The following MS4A7 variants were observed in gnomAD, a reference collection of about 807,000 sequenced individuals.
MS4A7 encodes the protein membrane spanning 4-domains A7, also known as membrane-spanning 4-domains subfamily A member 7.
In MS4A7, 21 loss-of-function variants were observed where a neutral mutation model predicts 23.5. That is an observed-to-expected ratio of 0.89 (90% confidence interval 0.63 to 1.29). The LOEUF is 1.29. Ranked by LOEUF, MS4A7 falls within the 50% of genes most tolerant of loss-of-function variation. The pLI, the probability that MS4A7 is intolerant of heterozygous loss-of-function variation, is 0.00. For synonymous variants in MS4A7, 111 were observed against 107.4 expected (o/e 1.03, Z -0.21); for missense variants, 263 against 274.2 (o/e 0.96, Z 0.29).
chr11:60,382,093 G>A (rs910235150), intron 1 of MS4A7, among the ~76,000 whole-genome samples: 1 of 152,212 alleles, frequency 6.6e-6, no homozygotes, highest in African/African-American at 2.4e-5. Context: ...TAGGGAGAAT[G>A]TTGAGCTGAA....
chr11:60,379,470 T>C (rs771226653), intron 1 of MS4A7, among the ~76,000 whole-genome samples: 7 of 152,232 alleles, frequency 4.6e-5, no homozygotes, highest in Non-Finnish European at 1.0e-4. Context: ...TTTTTGGTTG[T>C]AGTAAAATAT....
chr11:60,393,328 G>A (rs533454386), intron 6 of MS4A7, among the ~76,000 whole-genome samples: 2 of 152,210 alleles, frequency 1.3e-5, no homozygotes, highest in South Asian at 4.2e-4. Flanking sequence ...CAGACTATTG[G>A]GCTGAGAATG....
At chr11:60,392,807 CCTGATACCTGCTGTGT>C (rs1303804167) in intron 6 of MS4A7, 21 bp downstream of exon 6, 2 of 1,517,952 alleles carry the variant, frequency 1.3e-6, no homozygotes, top group Non-Finnish European at 1.8e-6. Context: ...TGACATGTCG[CCTGATACCTGCTGTGT>C]CTCAGGTCCA....
At chr11:60,382,901 G>A (rs2085445482) in intron 1 of MS4A7, among the ~76,000 whole-genome samples, 1 of 152,186 alleles carries the variant, frequency 6.6e-6, no homozygotes, top group African/African-American at 2.4e-5. Flanking sequence ...CCCTCAAAAT[G>A]TGTACAGTAC....
chr11:60,383,541 A>G (rs2085452262), intron 2 of MS4A7: 3 of 192,094 alleles, frequency 1.6e-5, no homozygotes, highest in Non-Finnish European at 3.1e-5. Flanking sequence ...TTATTTATTT[A>G]TATATTTATT....
At chr11:60,379,511 TG>T (rs370433419) in intron 1 of MS4A7, among the ~76,000 whole-genome samples, 191 of 150,702 alleles carry the variant, frequency 1.3e-3, no homozygotes, top group African/African-American at 4.2e-3. Context: ...TTTAACCATG[TG>T]TTTTTTTGTT....
intron 3 of MS4A7, 119 bp from the exon 4 acceptor site, chr11:60,386,598 G>A (rs750483609): frequency 4.1e-6 from 3 of 736,090 alleles, no homozygotes; most frequent in Non-Finnish European, 7.1e-6. Flanking sequence ...CAAGATTTCT[G>A]CAGTGTTCTC....
At chr11:60,385,881 A>C (rs1442047837) in intron 3 of MS4A7, among the ~76,000 whole-genome samples, 1 of 152,236 alleles carries the variant, frequency 6.6e-6, no homozygotes, top group Non-Finnish European at 1.5e-5. Flanking sequence ...ATAAAAATCA[A>C]ATATTCTGGG....
intron 5 of MS4A7, 92 bp downstream of exon 5, chr11:60,389,688 C>G: frequency 7.9e-7 from 1 of 1,260,538 alleles, no homozygotes; most frequent in Non-Finnish European, 1.1e-6. Context: ...TCTGGTTGGT[C>G]GGTCCGAATG....
Position 60,384,752 on chromosome 11 carries a change from AAG to A in MS4A7, c.148-335_148-334del, listed in dbSNP as rs370396648. Among the ~76,000 whole-genome samples the A allele has an allele frequency of 5.3e-3, 801 of 152,326 alleles. 6 individuals carry two copies. The highest frequency in any genetic ancestry group is 0.021 in the South Asian group (101 of 4,826). Reference sequence around the variant, plus strand: ...ATCTCTTCATTAACACTCCTGTGAAAAGTTTGCTCTCTATTTCCACCTCACTG... The same window carrying A: ...ATCTCTTCATTAACACTCCTGTGAAATTTGCTCTCTATTTCCACCTCACTG... On this transcript the variant is annotated intron_variant, in intron 2 of 6. Transcript: ENST00000300184.
In MS4A7 at chr11:60,383,390, T is replaced by C; in HGVS notation, c.147+102T>C. Reference sequence around the variant, plus strand: ...TCTGGGAAACTCTTTCACTCTTTTCTGGCTGACTCCAGGCTAATGAGGACA... The same window carrying C: ...TCTGGGAAACTCTTTCACTCTTTTCCGGCTGACTCCAGGCTAATGAGGACA... On this transcript the variant is annotated intron_variant, in intron 2 of 6. Coordinates refer to ENST00000300184, the MANE Select transcript of MS4A7 (RefSeq NM_021201.5). The C allele has an allele frequency of 4.4e-6, 6 of 1,373,744 alleles. No homozygotes were observed. The South Asian group carries it at 7.2e-5, about 16-fold the overall frequency. The allele number at this position is 1,373,744 out of a possible 1,614,324, so 85.1% of individuals were successfully genotyped here. A position where few individuals can be genotyped will look rare whatever the true frequency, so the allele number is the denominator to read the frequency against.
In MS4A7 at chr11:60,379,526, TTTTG is replaced by T. The variant is rs201131327; in HGVS notation, c.-14+882_-14+885del. Among the ~76,000 whole-genome samples, 135 of 138,808 alleles carry T rather than the reference TTTTG, an allele frequency of 9.7e-4. 1 individual carries two copies. Among genetic ancestry groups the T allele is most frequent in the Admixed American group, 1.6e-3 (22 of 13,446 alleles). 91.1% of individuals were successfully genotyped at this position (138,808 alleles called of 152,430 possible). A position where few individuals can be genotyped will look rare whatever the true frequency, so the allele number is the denominator to read the frequency against. On this transcript the variant is annotated intron_variant, in intron 1 of 6. Coordinates refer to ENST00000300184, the MANE Select transcript of MS4A7 (RefSeq NM_021201.5). The stretch of plus-strand genomic sequence containing the variant: ...TTTAACCATGTGTTTTTTTGTTGTT[TTTTG>T]TTTGTTTGTTTGTTTGTTTTTTAAT...
chr11:60,382,869 G>C (rs983505385), intron 1 of MS4A7, among the ~76,000 whole-genome samples: 1 of 152,244 alleles, frequency 6.6e-6, no homozygotes, highest in South Asian at 2.1e-4. Context: ...TATGTGATTT[G>C]CTCACCTCTC....
chr11:60,390,074 C>T (rs930823771), intron 5 of MS4A7: 6 of 181,958 alleles, frequency 3.3e-5, no homozygotes, highest in East Asian at 2.8e-4. Flanking sequence ...AGAGGCTGTA[C>T]GGTGTTTAAG....
At chr11:60,381,875 C>T (rs904460433) in intron 1 of MS4A7, among the ~76,000 whole-genome samples, 1 of 152,066 alleles carries the variant, frequency 6.6e-6, no homozygotes, top group African/African-American at 2.4e-5. Flanking sequence ...GATGCCTAGG[C>T]ATTGGACTCC....
chr11:60,392,749 T>C lies in MS4A7; in HGVS notation c.611T>C (p.Val204Ala). The C allele has an allele frequency of 6.2e-7, 1 of 1,614,012 alleles. No individual in the cohort carries two copies. The highest frequency in any genetic ancestry group is 8.5e-7 in the Non-Finnish European group (1 of 1,179,958). Residue 204 changes from valine to alanine, a missense_variant, in exon 6 of 7, where the codon GTC (valine) becomes GCC (alanine). By Grantham distance (64) the Val-to-Ala change is moderately conservative. Transcript: ENST00000300184. ...LELLLAAYSS[V>A]FWWKQLYSNN... ...CTCTTATTAGCTGCATACAGTTCTG[T>C]CTTTTGGTGGAAACAGCTCTACTCC... is the stretch of plus-strand genomic sequence containing the variant.
At chr11:60,389,281 A>G in intron 4 of MS4A7, 109 bp from the exon 5 acceptor site, 1 of 815,298 alleles carries the variant, frequency 1.2e-6, no homozygotes, top group East Asian at 2.6e-5. Context: ...ACAAGGAAAC[A>G]GGAAGGAAAC....
At chr11:60,381,847 T>C (rs2085432205) in intron 1 of MS4A7, among the ~76,000 whole-genome samples, 1 of 152,056 alleles carries the variant, frequency 6.6e-6, no homozygotes, top group African/African-American at 2.4e-5. Context: ...CCAAGACATA[T>C]GGTCAGATGT....
intron 4 of MS4A7, among the ~76,000 whole-genome samples, chr11:60,387,541 T>C (rs549509147): frequency 2.7e-4 from 41 of 152,240 alleles, no homozygotes; most frequent in Non-Finnish European, 4.3e-4. Context: ...GCTTGATAAT[T>C]GGATGTTTGA....
Sources: gnomAD v4.1 joint callset for allele counts (sites outside exome capture counted in the v4.1 genomes callset) on GRCh38, gnomAD v4.1.1 for gene constraint, MANE v1.5 for transcripts, NCBI Gene and HGNC (gene_info 2026-07-23, HGNC 2026-07-21) for gene names.